PTPRJ: variants seen among roughly 807,000 people sequenced by gnomAD.
The protein encoded by PTPRJ is protein tyrosine phosphatase receptor type J, also known as receptor-type tyrosine-protein phosphatase eta.
In PTPRJ, 129 loss-of-function variants were observed where a neutral mutation model predicts 141.3. The observed-to-expected ratio is 0.91, with a 90% CI of 0.79 to 1.06. The LOEUF (loss-of-function observed/expected upper bound fraction) is 1.06, where lower values mean the gene tolerates loss of function less well. Among genes scored for constraint, PTPRJ ranks in the 50% least tolerant of loss-of-function variants. The pLI is 0.00. For missense variants in PTPRJ, 1,601 were observed against 1,679.7 expected, an observed-to-expected ratio of 0.95 and a Z score of 0.82; for synonymous variants, 610 against 640.5, an observed-to-expected ratio of 0.95 and a Z score of 0.72.
intron 2 of PTPRJ, among the ~76,000 whole-genome samples, chr11:48,112,505 A>C (rs1222684071): frequency 6.6e-6 from 1 of 152,178 alleles, no homozygotes; most frequent in Non-Finnish European, 1.5e-5. Flanking sequence ...CTTTCCTGTG[A>C]ATGACTGTGT....
chr11:48,025,549 G>T (rs1022492055), intron 1 of PTPRJ, among the ~76,000 whole-genome samples: 4 of 152,218 alleles, frequency 2.6e-5, no homozygotes, highest in African/African-American at 9.7e-5. Context: ...CCACAGAAAT[G>T]AACATGACAT....
At position 48,146,930 on chromosome 11, in the gene PTPRJ, C is replaced by G. The variant is rs777262515; in HGVS notation, c.2966C>G (p.Thr989Ser). Residue 989 changes from threonine to serine, a missense_variant, in exon 15 of 25, where the codon ACT (threonine) becomes AGT (serine). Coordinates refer to ENST00000418331, the MANE Select transcript of PTPRJ (RefSeq NM_002843.4). Reference protein sequence around the residue: ...GCIFGALVIVTVGGFIFWRKK... With the variant: ...GCIFGALVIVSVGGFIFWRKK... ...ATCTTTGGTGCCCTGGTTATTGTGA[C>G]TGTGGGAGGCTTCATCTTCTGGAGA... 8 of 1,613,920 alleles carry G rather than the reference C, an allele frequency of 5.0e-6. No individual in the cohort carries two copies. In the East Asian group the frequency reaches 1.8e-4, roughly 36 times the overall value.
chr11:48,033,301 T>A (rs1344517193), intron 1 of PTPRJ, among the ~76,000 whole-genome samples: 1 of 151,726 alleles, frequency 6.6e-6, no homozygotes, highest in Non-Finnish European at 1.5e-5. Context: ...TGGGGTGGAT[T>A]TTGGAGTCTG....
chr11:48,149,595 A>G (rs1280450643), intron 16 of PTPRJ, 107 bp downstream of exon 16: 1 of 772,406 alleles, frequency 1.3e-6, no homozygotes, highest in Non-Finnish European at 2.0e-6. Context: ...TGATTGGCAC[A>G]TTTTGACCAT....
chr11:48,151,979 G>A (rs1042169336), intron 18 of PTPRJ, among the ~76,000 whole-genome samples: 4 of 152,188 alleles, frequency 2.6e-5, no homozygotes, highest in Non-Finnish European at 5.9e-5. Flanking sequence ...GGATGGCTGG[G>A]TCAAATGGTA....
At chr11:48,124,621 G>A (rs1336961530) in intron 5 of PTPRJ, among the ~76,000 whole-genome samples, 6 of 152,216 alleles carry the variant, frequency 3.9e-5, no homozygotes, top group African/African-American at 1.4e-4. Context: ...CTTGAGTGGG[G>A]TCTGATTAGC....
At chr11:47,981,508 C>T (rs1853906848) in intron 1 of PTPRJ, among the ~76,000 whole-genome samples, 1 of 152,186 alleles carries the variant, frequency 6.6e-6, no homozygotes, top group South Asian at 2.1e-4. Context: ...GGGCCCTGGG[C>T]GAGGCGCGGG....
At chr11:48,109,108 T>C (rs527523838) in intron 1 of PTPRJ, among the ~76,000 whole-genome samples, 1 of 151,950 alleles carries the variant, frequency 6.6e-6, no homozygotes, top group African/African-American at 2.4e-5. Context: ...AGGGAATAAA[T>C]ATGTAAAGGC....
intron 1 of PTPRJ, among the ~76,000 whole-genome samples, chr11:47,992,132 T>C (rs1460608315): frequency 6.6e-6 from 1 of 152,152 alleles, no homozygotes; most frequent in Non-Finnish European, 1.5e-5. Flanking sequence ...ATCTGTCTTT[T>C]GCAGAATAAT....
chr11:47,993,778 A>G (rs1416185694), intron 1 of PTPRJ, among the ~76,000 whole-genome samples: 1 of 151,852 alleles, frequency 6.6e-6, no homozygotes, highest in African/African-American at 2.4e-5. Context: ...TGTTAGCCCA[A>G]CTGGCTGAAG....
intron 1 of PTPRJ, among the ~76,000 whole-genome samples, chr11:48,019,829 A>G (rs1460288343): frequency 1.3e-5 from 2 of 152,216 alleles, no homozygotes; most frequent in Non-Finnish European, 1.5e-5. Flanking sequence ...TCTGGGTGCA[A>G]CTGGGGACAG....
chr11:48,146,759 G>C, intron 14 of PTPRJ, 117 bp from the exon 15 acceptor site: 2 of 760,800 alleles, frequency 2.6e-6, no homozygotes, highest in Admixed American at 1.9e-5. Flanking sequence ...GCATGCATGT[G>C]TGTGTATGGT....
rs11378534 is a variant in PTPRJ, at chr11:48,095,579, C to CTTT, written c.97-14464_97-14462dup. Among the ~76,000 whole-genome samples, 11 of 137,022 alleles carry CTTT rather than the reference C, an allele frequency of 8.0e-5. No homozygotes were observed. The South Asian group carries it at 1.4e-3, about 17-fold the overall frequency. The allele number at this position is 137,022 out of a possible 152,430, so 89.9% of individuals were successfully genotyped here. On this transcript the variant is annotated intron_variant, in intron 1 of 24. Coordinates refer to ENST00000418331, the MANE Select transcript of PTPRJ (RefSeq NM_002843.4). The stretch of plus-strand genomic sequence containing the variant: ...AGCTATAATGTTTATCAAACATATA[C>CTTT]TTTTTTTTTTTTTTTTTGAGATGGA...
intron 1 of PTPRJ, among the ~76,000 whole-genome samples, chr11:47,983,185 A>AT (rs35373855): frequency 4.1e-4 from 61 of 147,450 alleles, no homozygotes; most frequent in Admixed American, 6.1e-4. Flanking sequence ...TCAAAGTGCT[A>AT]TTTTTTTTTT....
intron 8 of PTPRJ, chr11:48,132,609 G>A (rs939143657): frequency 2.1e-6 from 2 of 935,562 alleles, no homozygotes; most frequent in Non-Finnish European, 1.3e-6. Context: ...GAGTTAATGG[G>A]TGCAGCACAC....
At chr11:47,993,019 C>T (rs1006680065) in intron 1 of PTPRJ, among the ~76,000 whole-genome samples, 37 of 152,080 alleles carry the variant, frequency 2.4e-4, no homozygotes, top group African/African-American at 8.5e-4. Context: ...TAAAAAAAAC[C>T]AGTATAAAGT....
intron 1 of PTPRJ, among the ~76,000 whole-genome samples, chr11:48,053,292 T>A (rs1316640478): frequency 5.6e-5 from 5 of 89,230 alleles, no homozygotes; most frequent in Non-Finnish European, 8.0e-5. Flanking sequence ...TATATAAAAA[T>A]ATATAAAATA....
At chr11:48,046,893 T>TAC (rs1854413937) in intron 1 of PTPRJ, among the ~76,000 whole-genome samples, 2 of 88,394 alleles carry the variant, frequency 2.3e-5, no homozygotes, top group Non-Finnish European at 4.8e-5. Flanking sequence ...TGTTTACATA[T>TAC]ATATATATAT....
At chr11:48,049,567 A>G (rs1326661047) in intron 1 of PTPRJ, among the ~76,000 whole-genome samples, 3 of 149,866 alleles carry the variant, frequency 2.0e-5, no homozygotes, top group Non-Finnish European at 4.4e-5. Flanking sequence ...AAACAAAACA[A>G]GTCGGGTGTG....
Sources: gnomAD v4.1 joint callset for allele counts (sites outside exome capture counted in the v4.1 genomes callset) on GRCh38, gnomAD v4.1.1 for gene constraint, MANE v1.5 for transcripts, NCBI Gene and HGNC (gene_info 2026-07-23, HGNC 2026-07-21) for gene names.